The following ZCCHC7 variants were observed in gnomAD, a reference collection of about 807,000 sequenced individuals.
ZCCHC7 encodes zinc finger CCHC domain-containing protein 7.
In ZCCHC7, 35 loss-of-function variants were observed where a neutral mutation model predicts 52.0. That is an observed-to-expected ratio of 0.67 (90% CI 0.51 to 0.89). The LOEUF (loss-of-function observed/expected upper bound fraction) is 0.89, where lower values mean the gene tolerates loss of function less well. Ranked by LOEUF, ZCCHC7 falls within the 40% of genes least tolerant of loss-of-function variation. The pLI, the probability that ZCCHC7 is intolerant of heterozygous loss-of-function variation, is 0.00. For missense variants in ZCCHC7, 574 were observed against 649.1 expected (o/e 0.88, Z 1.26); for synonymous variants, 217 against 221.5 (o/e 0.98, Z 0.18).
In ZCCHC7 at chr9:37,123,656, T is replaced by C. The variant is rs73646323; in HGVS notation, c.-21-2656T>C. 2.5e-3 allele frequency among the ~76,000 whole-genome samples: 379 copies of C among 152,340 alleles called. 2 individuals carry two copies. The highest frequency in any genetic ancestry group is 8.8e-3 in the African/African-American group (365 of 41,576). On this transcript the variant is annotated intron_variant, in intron 1 of 8. Transcript: ENST00000336755. Reference sequence around the variant, plus strand: ...TGTAATTTGGCTTTTTAATTTTTTCTGTGCTGCACTGGAATTATGTTTTGT... The same window carrying C: ...TGTAATTTGGCTTTTTAATTTTTTCCGTGCTGCACTGGAATTATGTTTTGT...
In ZCCHC7 at chr9:37,227,253, T is replaced by TA. The variant is rs1387904104; in HGVS notation, c.611-74934dup. On this transcript the variant is annotated intron_variant, in intron 2 of 8. Transcript: ENST00000336755. ...ATGTCTAGAATATGCAAAGAACTCT[T>TA]ACAACTCAATAATAATGAGATGAAC... 7.9e-5 allele frequency among the ~76,000 whole-genome samples: 12 copies of TA among 152,202 alleles called. No individual in the cohort carries two copies. The South Asian group carries it at 1.9e-3, about 24-fold the overall frequency.
At chr9:37,296,182 A>T (rs1828775704) in intron 2 of ZCCHC7, among the ~76,000 whole-genome samples, 1 of 152,166 alleles carries the variant, frequency 6.6e-6, no homozygotes. Context: ...TTGGGTGGAA[A>T]ATTGGGCAAA....
chr9:37,282,341 C>T (rs565532372), intron 2 of ZCCHC7, among the ~76,000 whole-genome samples: 4 of 152,190 alleles, frequency 2.6e-5, no homozygotes, highest in African/African-American at 7.2e-5. Flanking sequence ...TGGTGGCTCA[C>T]GCCTGTAATC....
At chr9:37,335,479 A>T (rs1830608718) in intron 6 of ZCCHC7, among the ~76,000 whole-genome samples, 4 of 152,332 alleles carry the variant, frequency 2.6e-5, no homozygotes, top group Admixed American at 2.0e-4. Context: ...AATGGGGATA[A>T]TGCCTTGTAG....
intron 5 of ZCCHC7, among the ~76,000 whole-genome samples, chr9:37,321,622 A>G (rs1253680567): frequency 6.6e-6 from 1 of 152,064 alleles, no homozygotes; most frequent in African/African-American, 2.4e-5. Flanking sequence ...AAATTAGCCA[A>G]GCACTGTGGT....
Position 37,123,216 on chromosome 9 carries a change from TGTGTGTGTGC to T in ZCCHC7, c.-22+2599_-22+2608del, listed in dbSNP as rs1271482124. On this transcript the variant is annotated intron_variant, in intron 1 of 8. Transcript: ENST00000336755. The stretch of plus-strand genomic sequence containing the variant: ...GTGTGTGTGTGTGTGTGTGTGTGTG[TGTGTGTGTGC>T]GTGTGCGTGTGTGTGTAAAAAACAT... Among the ~76,000 whole-genome samples, 8 of 109,128 alleles carry T rather than the reference TGTGTGTGTGC, an allele frequency of 7.3e-5. No homozygotes were observed. The East Asian group carries it at 1.7e-3, about 24-fold the overall frequency. The allele number at this position is 109,128 out of a possible 152,430, so 71.6% of individuals were successfully genotyped here. A position where few individuals can be genotyped will look rare whatever the true frequency, so the allele number is the denominator to read the frequency against.
intron 5 of ZCCHC7, among the ~76,000 whole-genome samples, chr9:37,322,062 A>G (rs1305801294): frequency 6.6e-6 from 1 of 152,110 alleles, no homozygotes. Flanking sequence ...AAGAAATGGG[A>G]TATCTGAGTG....
At chr9:37,283,315 C>A (rs1050207458) in intron 2 of ZCCHC7, among the ~76,000 whole-genome samples, 1 of 152,020 alleles carries the variant, frequency 6.6e-6, no homozygotes, top group African/African-American at 2.4e-5. Flanking sequence ...ATCTAAGTTC[C>A]CATAGTTTCA....
chr9:37,284,449 G>A (rs1413145083), intron 2 of ZCCHC7: 1 of 152,056 alleles, frequency 6.6e-6, no homozygotes, highest in South Asian at 2.1e-4. Flanking sequence ...TTGATCAATA[G>A]TGTTTGTTAA....
At chr9:37,315,431 TAAAA>T (rs201599784) in intron 5 of ZCCHC7, among the ~76,000 whole-genome samples, 3 of 106,146 alleles carry the variant, frequency 2.8e-5, no homozygotes, top group Admixed American at 1.8e-4. Context: ...GTTGACTTGA[TAAAA>T]AAAATCATAA....
In ZCCHC7 at chr9:37,348,343, GTTCGTTCT is replaced by G. The variant is rs1554736693; in HGVS notation, c.988-1010_988-1003del. Among the ~76,000 whole-genome samples, 229 of 100,158 alleles carry G rather than the reference GTTCGTTCT, an allele frequency of 2.3e-3. 3 individuals are homozygous for G. Among genetic ancestry groups the G allele is most frequent in the African/African-American group, 7.3e-3 (220 of 30,256 alleles). 65.7% of individuals were successfully genotyped at this position (100,158 alleles called of 152,430 possible). A position where few individuals can be genotyped will look rare whatever the true frequency, so the allele number is the denominator to read the frequency against. On this transcript the variant is annotated intron_variant, in intron 6 of 8. Transcript: ENST00000336755. ...TCTTTTCAATGACCAAGTGATACCA[GTTCGTTCT>G]TTCTTTCTTTCTTTCTTTCTTTCTT...
intron 2 of ZCCHC7, among the ~76,000 whole-genome samples, chr9:37,270,434 T>C (rs1249105041): frequency 1.3e-5 from 2 of 152,066 alleles, no homozygotes; most frequent in African/African-American, 4.8e-5. Context: ...CTCATGCCTG[T>C]AATCACAGCA....
intron 6 of ZCCHC7, among the ~76,000 whole-genome samples, chr9:37,337,936 C>G (rs1488195041): frequency 1.3e-5 from 2 of 152,084 alleles, no homozygotes; most frequent in African/African-American, 4.8e-5. Flanking sequence ...AGTTTGAGAG[C>G]TACATTGGAA....
intron 2 of ZCCHC7, among the ~76,000 whole-genome samples, chr9:37,140,223 G>A (rs1483976953): frequency 1.3e-5 from 2 of 151,832 alleles, no homozygotes; most frequent in African/African-American, 2.4e-5. Flanking sequence ...TTTAGAAATA[G>A]CATTACTTCC....
intron 2 of ZCCHC7, among the ~76,000 whole-genome samples, chr9:37,134,309 A>G (rs575008429): frequency 6.6e-6 from 1 of 152,168 alleles, no homozygotes; most frequent in South Asian, 2.1e-4. Flanking sequence ...TAGAATTTCC[A>G]ATGGTCTGAA....
chr9:37,220,098 C>T (rs947643792), intron 2 of ZCCHC7, among the ~76,000 whole-genome samples: 3 of 152,172 alleles, frequency 2.0e-5, no homozygotes, highest in Non-Finnish European at 2.9e-5. Context: ...ATGAAACATA[C>T]GTACAAGTAA....
intron 5 of ZCCHC7, among the ~76,000 whole-genome samples, chr9:37,320,220 G>A (rs1300232899): frequency 1.3e-5 from 2 of 152,066 alleles, no homozygotes; most frequent in Non-Finnish European, 2.9e-5. Flanking sequence ...TGGGATTACA[G>A]GCGCCTACCA....
At chr9:37,251,776 C>T (rs1299865932) in intron 2 of ZCCHC7, among the ~76,000 whole-genome samples, 2 of 152,080 alleles carry the variant, frequency 1.3e-5, no homozygotes, top group African/African-American at 2.4e-5. Flanking sequence ...AGGGTAGCAT[C>T]GTTACAGTTG....
At chr9:37,279,627 G>A (rs1379156501) in intron 2 of ZCCHC7, among the ~76,000 whole-genome samples, 1 of 151,814 alleles carries the variant, frequency 6.6e-6, no homozygotes, top group Non-Finnish European at 1.5e-5. Flanking sequence ...GGGAGGCCAA[G>A]GCAGGAGGAT....
Sources: allele counts gnomAD v4.1 joint callset (sites outside exome capture counted in the v4.1 genomes callset), GRCh38; gene constraint gnomAD v4.1.1; transcripts MANE v1.5; gene names NCBI Gene and HGNC (gene_info 2026-07-23, HGNC 2026-07-21).